The following CAV3 variants were observed in gnomAD, a reference collection of about 807,000 sequenced individuals.
The protein encoded by CAV3 is caveolin-3.
CAV3 carries 10 observed loss-of-function variants against 13.4 expected under a neutral mutation model. The ratio of observed to expected loss-of-function variants is 0.75; its 90% CI spans 0.46 to 1.27. The LOEUF (loss-of-function observed/expected upper bound fraction) is 1.27, where lower values mean the gene tolerates loss of function less well. Ranked by LOEUF, CAV3 falls within the 50% of genes most tolerant of loss-of-function variation. CAV3 has a pLI of 0.00. For missense variants in CAV3, 162 were observed against 194.0 expected (o/e 0.83, Z 0.98); for synonymous variants, 90 against 79.0 (o/e 1.14, Z -0.74).
Position 8,745,394 on chromosome 3 carries a change from T to C in CAV3, c.115-132T>C, listed in dbSNP as rs1289630713. The C allele has an allele frequency of 2.8e-6, 2 of 703,674 alleles. No individual in the cohort carries two copies. Among genetic ancestry groups the C allele is most frequent in the Non-Finnish European group, 5.1e-6 (2 of 390,028 alleles). The allele number at this position is 703,674 out of a possible 1,614,324, so 43.6% of individuals were successfully genotyped here. On this transcript the variant is annotated intron_variant, in intron 1 of 1. Coordinates refer to ENST00000343849, the MANE Select transcript of CAV3 (RefSeq NM_033337.3). The surrounding 1 kb of genome is among the most constrained non-coding windows in gnomAD (Gnocchi z 4.8). ...TCTTTAAAGCAATGCAAGAATAGCC[T>C]AATACAGGTAGGGTCCAGCCACCAA...
chr3:8,734,826 C>A (rs61697789), intron 1 of CAV3, among the ~76,000 whole-genome samples: 12,029 of 152,316 alleles, frequency 0.079, 496 homozygotes, highest in African/African-American at 0.089. Flanking sequence ...TCAAGTGATT[C>A]TCCCTCCTCC....
rs1272904069 is a variant in CAV3, at chr3:8,745,925, G to A, written c.*58G>A. ...GGGGTGGTGGGCCAGACTGGTCCCCGGGGGACTTCTTCACAGGGGCTGCTG... is the reference window on the plus strand; with the variant it reads ...GGGGTGGTGGGCCAGACTGGTCCCCAGGGGACTTCTTCACAGGGGCTGCTG... On this transcript the variant is annotated 3_prime_UTR_variant, in exon 2 of 2. Transcript: ENST00000343849. The surrounding 1 kb of genome is among the most constrained non-coding windows in gnomAD (Gnocchi z 4.8). 8.4e-6 allele frequency: 12 copies of A among 1,425,412 alleles called. No individual in the cohort carries two copies. The highest frequency in any genetic ancestry group is 6.8e-5 in the East Asian group (3 of 43,806). 88.3% of individuals were successfully genotyped at this position (1,425,412 alleles called of 1,614,324 possible).
At chr3:8,739,574 C>T (rs1326015796) in intron 1 of CAV3, among the ~76,000 whole-genome samples, 2 of 150,748 alleles carry the variant, frequency 1.3e-5, no homozygotes, top group African/African-American at 4.9e-5. Flanking sequence ...GAGCCGAGAT[C>T]GCACCACTGT....
intron 1 of CAV3, among the ~76,000 whole-genome samples, chr3:8,743,237 C>T (rs1708037618): frequency 6.6e-6 from 1 of 152,262 alleles, no homozygotes; most frequent in African/African-American, 2.4e-5. Context: ...AACATCCTAA[C>T]CATCTCAGTG....
rs374523166 is a variant in CAV3 at position 8,733,985 on chromosome 3, G to C, written c.109G>C (p.Val37Leu). The C allele has an allele frequency of 2.5e-5, 40 of 1,590,194 alleles. No individual in the cohort carries two copies. Among genetic ancestry groups the C allele is most frequent in the Non-Finnish European group, 3.4e-5 (39 of 1,158,718 alleles). Residue 37 changes from valine to leucine, a missense_variant, in exon 1 of 2, where the codon GTC (valine) becomes CTC (leucine). Val to Leu is a conservative substitution (Grantham distance 32). Transcript: ENST00000343849. Reference protein sequence around the residue: ...RDPKNINEDIVKVDFEDVIAE... With the variant: ...RDPKNINEDILKVDFEDVIAE... ...CCCCAAGAACATTAACGAGGACATAGTCAAGGTAGGCTCTGCAGGCCTGCC... is the reference window on the plus strand; with the variant it reads ...CCCCAAGAACATTAACGAGGACATACTCAAGGTAGGCTCTGCAGGCCTGCC...
chr3:8,737,981 T>C (rs1450432342), intron 1 of CAV3, among the ~76,000 whole-genome samples: 1 of 152,190 alleles, frequency 6.6e-6, no homozygotes. Context: ...ATGCTCTCTC[T>C]CTCTGCTCTC....
chr3:8,744,445 ATTTTTTTTTTTT>A (rs141816229), intron 1 of CAV3, among the ~76,000 whole-genome samples: 2 of 111,408 alleles, frequency 1.8e-5, no homozygotes, highest in Admixed American at 9.9e-5. Flanking sequence ...TACCCGGCTA[ATTTTTTTTTTTT>A]TTTTTTTTTT....
chr3:8,737,764 A>T (rs913962077), intron 1 of CAV3, among the ~76,000 whole-genome samples: 1 of 152,106 alleles, frequency 6.6e-6, no homozygotes, highest in Admixed American at 6.5e-5. Flanking sequence ...ACTGCATGCA[A>T]ACCCTCCAGG....
chr3:8,744,275 ATTTT>A (rs35889837), intron 1 of CAV3, among the ~76,000 whole-genome samples: 3 of 120,854 alleles, frequency 2.5e-5, no homozygotes, highest in Admixed American at 8.4e-5. Flanking sequence ...GACCAGTGGA[ATTTT>A]TTTTTTTTTT....
Position 8,745,736 on chromosome 3 carries a change from A to G in CAV3, c.325A>G (p.Ser109Gly), listed in dbSNP as rs1367123636. 3.7e-6 allele frequency: 6 copies of G among 1,614,120 alleles called. No homozygotes were observed. In the South Asian group the frequency reaches 6.6e-5, roughly 18 times the overall value. Residue 109 changes from serine (S) to glycine (G), a missense_variant, in exon 2 of 2, where the codon AGC becomes GGC. Coordinates refer to ENST00000343849, the MANE Select transcript of CAV3 (RefSeq NM_033337.3). The surrounding 1 kb of genome is among the most constrained non-coding windows in gnomAD (Gnocchi z 4.8). Reference sequence around the variant, plus strand: ...CTGGGCGGTGGTGCCATGCATTAAGAGCTACCTGATCGAGATCCAGTGCAT... The same window carrying G: ...CTGGGCGGTGGTGCCATGCATTAAGGGCTACCTGATCGAGATCCAGTGCAT... Reference protein sequence around the residue: ...HIWAVVPCIKSYLIEIQCISH... With the variant: ...HIWAVVPCIKGYLIEIQCISH...
intron 1 of CAV3, among the ~76,000 whole-genome samples, chr3:8,741,120 C>T (rs1277290652): frequency 6.6e-6 from 1 of 151,304 alleles, no homozygotes; most frequent in Non-Finnish European, 1.5e-5. Flanking sequence ...GCAGCTATCA[C>T]CTCATTTTAC....
At chr3:8,734,148 C>A (rs562947445) in intron 1 of CAV3, among the ~76,000 whole-genome samples, 158 bp downstream of exon 1, 2 of 151,662 alleles carry the variant, frequency 1.3e-5, no homozygotes, top group East Asian at 3.9e-4. Flanking sequence ...ACCCCACCCC[C>A]AAAAAAAGGC....
At chr3:8,742,371 A>G in intron 1 of CAV3, 1 of 352,466 alleles carries the variant, frequency 2.8e-6, no homozygotes. Context: ...AAAAAAAAAA[A>G]AAAGAAGAAG....
At position 8,739,564 on chromosome 3, in the gene CAV3, G is replaced by A. The variant is rs573507980; in HGVS notation, c.114+5574G>A. Among the ~76,000 whole-genome samples, 5 of 151,092 alleles carry A rather than the reference G, an allele frequency of 3.3e-5. No individual in the cohort carries two copies. In the South Asian group the frequency reaches 1.0e-3, roughly 32 times the overall value. On this transcript the variant is annotated intron_variant, in intron 1 of 1. Coordinates refer to ENST00000343849, the MANE Select transcript of CAV3 (RefSeq NM_033337.3). ...GAACCCAGGAGGCAGAGGTTGCCAT[G>A]AGCCGAGATCGCACCACTGTATTCC...
At position 8,743,257 on chromosome 3, in the gene CAV3, T is replaced by A. The variant is rs557883867; in HGVS notation, c.115-2269T>A. ...CCTAACCATCTCAGTGGGTTGTGGA[T>A]GTATGGATGAATACATGAAAGAAAA... On this transcript the variant is annotated intron_variant, in intron 1 of 1. Coordinates refer to ENST00000343849, the MANE Select transcript of CAV3 (RefSeq NM_033337.3). Among the ~76,000 whole-genome samples, 3 of 152,254 alleles carry A rather than the reference T, an allele frequency of 2.0e-5. No individual in the cohort carries two copies. In the East Asian group the frequency reaches 5.8e-4, roughly 29 times the overall value.
chr3:8,746,030 C>A lies in CAV3; in HGVS notation c.*163C>A. 1 of 611,778 alleles carries A rather than the reference C, an allele frequency of 1.6e-6. No individual in the cohort carries two copies. Among genetic ancestry groups the A allele is most frequent in the South Asian group, 2.1e-5 (1 of 48,230 alleles). The allele number at this position is 611,778 out of a possible 1,614,324, so 37.9% of individuals were successfully genotyped here. On this transcript the variant is annotated 3_prime_UTR_variant, in exon 2 of 2. Transcript: ENST00000343849. Reference sequence around the variant, plus strand: ...TAGGGAAGCCAGAAAGAAAAGACGGCCCAGCCACAGAAGCACAATGGCCCT... The same window carrying A: ...TAGGGAAGCCAGAAAGAAAAGACGGACCAGCCACAGAAGCACAATGGCCCT...
At chr3:8,736,857 T>G (rs1707776261) in intron 1 of CAV3, among the ~76,000 whole-genome samples, 1 of 152,270 alleles carries the variant, frequency 6.6e-6, no homozygotes, top group Admixed American at 6.5e-5. Flanking sequence ...GTTTGACTTT[T>G]TCTTTCTTTT....
At chr3:8,740,577 G>A (rs1435203803) in intron 1 of CAV3, among the ~76,000 whole-genome samples, 3 of 152,170 alleles carry the variant, frequency 2.0e-5, no homozygotes, top group Non-Finnish European at 4.4e-5. Flanking sequence ...CTCTCTCCTT[G>A]CAGCCCTCTG....
Position 8,746,001 on chromosome 3 carries a change from G to A in CAV3, c.*134G>A, listed in dbSNP as rs949111902. On this transcript the variant is annotated 3_prime_UTR_variant, in exon 2 of 2. Coordinates refer to ENST00000343849, the MANE Select transcript of CAV3 (RefSeq NM_033337.3). The stretch of plus-strand genomic sequence containing the variant: ...CTCCATACCCCATGATGGAGCACAC[G>A]GTGTAGGGAAGCCAGAAAGAAAAGA... 1.5e-4 allele frequency: 105 copies of A among 677,920 alleles called. No individual in the cohort carries two copies. Among genetic ancestry groups the A allele is most frequent in the South Asian group, 1.1e-3 (55 of 50,926 alleles). 42.0% of individuals were successfully genotyped at this position (677,920 alleles called of 1,614,324 possible).
Sources: gnomAD v4.1 joint callset for allele counts (sites outside exome capture counted in the v4.1 genomes callset) on GRCh38, gnomAD v4.1.1 for gene constraint, Gnocchi (gnomAD v3.1) non-coding constraint, MANE v1.5 for transcripts, NCBI Gene and HGNC (gene_info 2026-07-23, HGNC 2026-07-21) for gene names.